The following UPF3A variants were observed in gnomAD, a reference collection of about 807,000 sequenced individuals.
The protein encoded by UPF3A is UPF3A regulator of nonsense mediated mRNA decay, also known as regulator of nonsense transcripts 3A.
A neutral mutation model predicts 53.5 loss-of-function variants in UPF3A; 42 were observed. The observed-to-expected ratio is 0.78, with a 90% CI of 0.61 to 1.01. UPF3A has a LOEUF of 1.01. UPF3A is among the 50% of genes least tolerant of loss of function. The probability of loss-of-function intolerance (pLI) is 0.00; values close to 1 mark genes in which losing one functional copy is unlikely to be tolerated. For synonymous variants in UPF3A, 237 were observed against 225.3 expected, an observed-to-expected ratio of 1.05 and a Z score of -0.47; for missense variants, 575 against 598.0, an observed-to-expected ratio of 0.96 and a Z score of 0.40.
At chr13:114,289,290 C>T (rs2085046282) in intron 5 of UPF3A, among the ~76,000 whole-genome samples, 1 of 152,088 alleles carries the variant, frequency 6.6e-6, no homozygotes, top group Non-Finnish European at 1.5e-5. Context: ...TTTTAGGAGG[C>T]TGAGGCGGGC....
Position 114,282,827 on chromosome 13 carries a change from C to T in UPF3A, c.315-10C>T, listed in dbSNP as rs767404259. On this transcript the variant is annotated splice_polypyrimidine_tract_variant and intron_variant, in intron 2 of 9. Transcript: ENST00000375299. ...TCACTGACCATTTTCACTGTTATCT[C>T]TTATTTCAGTCTTTATCCTCATCTC... The T allele has an allele frequency of 8.1e-6, 13 of 1,596,724 alleles. No individual in the cohort carries two copies. Among genetic ancestry groups the T allele is most frequent in the Non-Finnish European group, 1.0e-5 (12 of 1,168,102 alleles).
intron 8 of UPF3A, among the ~76,000 whole-genome samples, chr13:114,300,949 T>TA (rs1319977198): frequency 1.3e-5 from 2 of 150,412 alleles, no homozygotes; most frequent in African/African-American, 5.0e-5. Flanking sequence ...GTGCTGGGAT[T>TA]ACAGGCACAT....
Position 114,291,616 on chromosome 13 carries a change from G to T in UPF3A, c.688-18G>T. 1 of 1,605,688 alleles carries T rather than the reference G, an allele frequency of 6.2e-7. No individual in the cohort carries two copies. The highest frequency in any genetic ancestry group is 8.5e-7 in the Non-Finnish European group (1 of 1,177,954). On this transcript the variant is annotated intron_variant, in intron 6 of 9. Transcript: ENST00000375299. ...TCTCATCCAGGCAGTTTATACACAC[G>T]CTCTTCCATGTCTTTAGAGAATTCG...
intron 5 of UPF3A, among the ~76,000 whole-genome samples, chr13:114,287,831 T>TC (rs869286208): frequency 6.6e-6 from 1 of 151,756 alleles, no homozygotes; most frequent in Non-Finnish European, 1.5e-5. Context: ...AAGCTTTTTT[T>TC]CCCCCCACTC....
At chr13:114,287,849 C>T (rs1300186814) in intron 5 of UPF3A, among the ~76,000 whole-genome samples, 1 of 152,152 alleles carries the variant, frequency 6.6e-6, no homozygotes, top group African/African-American at 2.4e-5. Context: ...CTCTGTTGCC[C>T]AGGCTGGAGT....
At chr13:114,289,502 G>A (rs967257502) in intron 5 of UPF3A, among the ~76,000 whole-genome samples, 6 of 139,154 alleles carry the variant, frequency 4.3e-5, no homozygotes, top group South Asian at 2.3e-4. Context: ...CCAGCCTGGC[G>A]ACAAAGTAAG....
chr13:114,301,772 G>A lies in UPF3A; in HGVS notation c.1049G>A (p.Arg350Lys). The A allele has an allele frequency of 1.2e-6, 2 of 1,614,004 alleles. No individual in the cohort carries two copies. Among genetic ancestry groups the A allele is most frequent in the Non-Finnish European group, 1.7e-6 (2 of 1,179,878 alleles). ...GATAAAGAGCACAGGGATGTGGAGA[G>A]ATCTCAAGAACAAGAATCTGAAGCA... ...GSDKEHRDVERSQEQESEAQR... is the reference protein window; with the variant it reads ...GSDKEHRDVEKSQEQESEAQR... Residue 350 changes from arginine (R) to lysine (K), a missense_variant, in exon 9 of 10, where the codon AGA becomes AAA. Physicochemically the swap from Arg to Lys is conservative, Grantham distance 26. This residue lies in a region of UPF3A where 323 missense variants were observed against 415.2 expected (regional missense o/e 0.78). Transcript: ENST00000375299.
In UPF3A at chr13:114,301,703, G is replaced by A. The variant is rs371893186; in HGVS notation, c.1008-28G>A. ...GGCAGCCAACCGGCGGTTTACTGCA[G>A]TTGCTGATCATTTGTGTTGAATCAT... is the stretch of plus-strand genomic sequence containing the variant. On this transcript the variant is annotated intron_variant, in intron 8 of 9. Transcript: ENST00000375299. 195 of 1,592,540 alleles carry A rather than the reference G, an allele frequency of 1.2e-4. No individual in the cohort carries two copies. The African/African-American group carries it at 2.0e-3, about 17-fold the overall frequency.
At chr13:114,300,947 A>G (rs1324542419) in intron 8 of UPF3A, among the ~76,000 whole-genome samples, 1 of 150,410 alleles carries the variant, frequency 6.6e-6, no homozygotes, top group African/African-American at 2.5e-5. Flanking sequence ...GAGTGCTGGG[A>G]TTACAGGCAC....
intron 5 of UPF3A, chr13:114,287,727 A>G (rs557375967): frequency 6.6e-6 from 1 of 152,216 alleles, no homozygotes; most frequent in Non-Finnish European, 1.5e-5. Context: ...GGTTGTAGAA[A>G]AGTTCAGGAA....
At chr13:114,283,757 T>G (rs968903203) in intron 3 of UPF3A, 56 of 985,370 alleles carry the variant, frequency 5.7e-5, no homozygotes, top group Non-Finnish European at 5.9e-5. Flanking sequence ...GGGTTCTGCT[T>G]TCATCTTTTT....
intron 3 of UPF3A, 57 bp downstream of exon 3, chr13:114,283,000 T>C: frequency 8.0e-7 from 1 of 1,249,156 alleles, no homozygotes; most frequent in Non-Finnish European, 1.1e-6. Flanking sequence ...TAATGAAGTA[T>C]TGCTAGAATA....
intron 5 of UPF3A, among the ~76,000 whole-genome samples, chr13:114,290,817 T>A (rs370157504): frequency 1.2e-4 from 18 of 148,204 alleles, no homozygotes; most frequent in African/African-American, 3.7e-4. Flanking sequence ...CACTGCAACC[T>A]CCTCCTCCCG....
chr13:114,304,125 C>T (rs1044354348), intron 9 of UPF3A, among the ~76,000 whole-genome samples: 1 of 152,206 alleles, frequency 6.6e-6, no homozygotes, highest in Non-Finnish European at 1.5e-5. Context: ...GCAGGAGGCT[C>T]ACGGAAGCTG....
chr13:114,286,306 A>G lies in UPF3A; in HGVS notation c.426A>G (p.Leu142=). The part of the protein sequence containing the change: ...DGYIFLDSKG[L]EYPAVVEFAP... ...GAACATGTTTCCTGTTAAAAGGCCT[A>G]GAATATCCTGCAGTGGTAGAGTTTG... is the stretch of plus-strand genomic sequence containing the variant. The change falls in exon 4 of 10, where the codon CTA becomes CTG. Residue 142 remains leucine, a synonymous_variant. Coordinates refer to ENST00000375299, the MANE Select transcript of UPF3A (RefSeq NM_023011.4). 8.1e-6 allele frequency: 13 copies of G among 1,614,046 alleles called. No individual in the cohort carries two copies. The highest frequency in any genetic ancestry group is 1.1e-5 in the Non-Finnish European group (13 of 1,179,980).
At chr13:114,292,712 T>G (rs1355077808) in intron 7 of UPF3A, among the ~76,000 whole-genome samples, 1 of 152,102 alleles carries the variant, frequency 6.6e-6, no homozygotes, top group Non-Finnish European at 1.5e-5. Flanking sequence ...GGGTTTGGTG[T>G]GCAGATAATT....
intron 3 of UPF3A, chr13:114,286,022 A>C (rs1453544715): frequency 2.5e-6 from 1 of 397,400 alleles, no homozygotes; most frequent in Non-Finnish European, 4.5e-6. Flanking sequence ...CCACCACAAC[A>C]TGATGGATTG....
At chr13:114,290,997 A>C (rs1285914105) in intron 5 of UPF3A, among the ~76,000 whole-genome samples, 1 of 151,776 alleles carries the variant, frequency 6.6e-6, no homozygotes, top group Non-Finnish European at 1.5e-5. Flanking sequence ...GGCCTCCCAA[A>C]GTGCTGAGAT....
intron 5 of UPF3A, among the ~76,000 whole-genome samples, chr13:114,290,661 C>G (rs151335487): frequency 9.2e-4 from 140 of 152,234 alleles, no homozygotes; most frequent in African/African-American, 3.2e-3. Flanking sequence ...AATGTTCATT[C>G]CCTAGTAGTT....
Sources: allele counts gnomAD v4.1 joint callset (sites outside exome capture counted in the v4.1 genomes callset), GRCh38; gene constraint gnomAD v4.1.1; regional missense constraint gnomAD v4.1.1; transcripts MANE v1.5; gene names NCBI Gene and HGNC (gene_info 2026-07-23, HGNC 2026-07-21).